Variants in CSMD1 observed in about 807,000 individuals in gnomAD.
The protein encoded by CSMD1 is CUB and Sushi multiple domains 1.
Under a neutral mutation model 417.5 loss-of-function variants are expected in CSMD1, and 213 were observed. The ratio of observed to expected loss-of-function variants is 0.51; its 90% CI spans 0.46 to 0.57. The LOEUF is 0.57. Among genes scored for constraint, CSMD1 ranks in the 20% least tolerant of loss-of-function variants. CSMD1 has a pLI of 0.00. For synonymous variants in CSMD1, 2,862 were observed against 1,736.8 expected (o/e 1.65, Z -16.11); for missense variants, 6,923 against 4,529.7 (o/e 1.53, Z -15.17).
chr8:4,353,389 G>A (rs967583893), intron 3 of CSMD1, among the ~76,000 whole-genome samples: 12 of 152,014 alleles, frequency 7.9e-5, no homozygotes, highest in African/African-American at 2.9e-4. Context: ...CAGCCGTGTG[G>A]AACTGTGAGT....
At chr8:4,379,658 T>C (rs1175754832) in intron 3 of CSMD1, among the ~76,000 whole-genome samples, 1 of 151,346 alleles carries the variant, frequency 6.6e-6, no homozygotes, top group Non-Finnish European at 1.5e-5. Flanking sequence ...TGGACTTTTT[T>C]TGAAATTAGT....
chr8:4,816,405 T>A, intron 1 of CSMD1, among the ~76,000 whole-genome samples: 1 of 151,586 alleles, frequency 6.6e-6, no homozygotes, highest in African/African-American at 2.4e-5. Flanking sequence ...CACTGTGGGG[T>A]GGTGGAGTGA....
chr8:3,931,477 G>A (rs574328427), intron 5 of CSMD1, among the ~76,000 whole-genome samples: 2 of 150,050 alleles, frequency 1.3e-5, no homozygotes, highest in Non-Finnish European at 3.0e-5. Context: ...TCAGATTGGA[G>A]CATTTTTAAA....
chr8:4,068,025 G>T (rs1046534049), intron 3 of CSMD1, among the ~76,000 whole-genome samples: 1 of 152,040 alleles, frequency 6.6e-6, no homozygotes, highest in Non-Finnish European at 1.5e-5. Context: ...AGGTTGCAGT[G>T]AGCCGAGATC....
chr8:3,385,624 G>A (rs1461811358), intron 18 of CSMD1, among the ~76,000 whole-genome samples: 1 of 151,918 alleles, frequency 6.6e-6, no homozygotes, highest in Non-Finnish European at 1.5e-5. Context: ...TATTAATTAT[G>A]GTGTTTTCTG....
intron 5 of CSMD1, among the ~76,000 whole-genome samples, chr8:3,957,706 GGAA>G (rs1398676214): frequency 2.9e-4 from 33 of 114,234 alleles, no homozygotes; most frequent in African/African-American, 7.5e-4. Flanking sequence ...GAAGAGAAGA[GGAA>G]AAGAGAAAAG....
At chr8:3,412,215 ACT>A (rs752772879) in intron 12 of CSMD1, among the ~76,000 whole-genome samples, 4 of 148,550 alleles carry the variant, frequency 2.7e-5, no homozygotes, top group Non-Finnish European at 4.4e-5. Flanking sequence ...CACACACACC[ACT>A]GTTTCTTTAT....
chr8:3,734,425 ACT>A (rs1474138977), intron 6 of CSMD1, among the ~76,000 whole-genome samples: 1 of 152,002 alleles, frequency 6.6e-6, no homozygotes, highest in East Asian at 1.9e-4. Flanking sequence ...AAATACAGAA[ACT>A]CTGCCAGGTG....
At chr8:3,909,664 C>A (rs1012724156) in intron 5 of CSMD1, among the ~76,000 whole-genome samples, 7 of 152,122 alleles carry the variant, frequency 4.6e-5, no homozygotes, top group Admixed American at 4.6e-4. Flanking sequence ...CACCTGGGAA[C>A]CCTCCTTTTC....
chr8:4,584,666 G>C (rs773767564), intron 2 of CSMD1, among the ~76,000 whole-genome samples: 1 of 152,068 alleles, frequency 6.6e-6, no homozygotes, highest in Non-Finnish European at 1.5e-5. Context: ...GCCATGACCG[G>C]AACTCTCAAA....
intron 1 of CSMD1, among the ~76,000 whole-genome samples, chr8:4,985,380 T>TAA (rs974427362): frequency 2.0e-5 from 3 of 151,552 alleles, no homozygotes; most frequent in African/African-American, 7.3e-5. Flanking sequence ...AAGTTTTTTT[T>TAA]AAAAAAAAAT....
chr8:3,517,937 A>G (rs1056911112), intron 10 of CSMD1, among the ~76,000 whole-genome samples: 2 of 152,206 alleles, frequency 1.3e-5, no homozygotes, highest in African/African-American at 2.4e-5. Flanking sequence ...TAATAGCTTC[A>G]ACAAGTCAAA....
At chr8:3,971,084 T>A (rs1246636440) in intron 5 of CSMD1, among the ~76,000 whole-genome samples, 1 of 152,190 alleles carries the variant, frequency 6.6e-6, no homozygotes, top group East Asian at 1.9e-4. Context: ...GGGGAGCCGA[T>A]GTCTGATGAC....
chr8:3,472,859 C>G (rs745892191), intron 11 of CSMD1, among the ~76,000 whole-genome samples: 1 of 151,996 alleles, frequency 6.6e-6, no homozygotes, highest in Non-Finnish European at 1.5e-5. Flanking sequence ...TTCATGTCAC[C>G]AGTCATCGGC....
At chr8:3,795,162 ATACC>A (rs1697479939) in intron 5 of CSMD1, among the ~76,000 whole-genome samples, 2 of 75,284 alleles carry the variant, frequency 2.7e-5, no homozygotes, top group Non-Finnish European at 5.4e-5. Flanking sequence ...ACAGCTATAG[ATACC>A]TATCATGTAC....
chr8:4,844,006 G>A (rs527558285), intron 1 of CSMD1, among the ~76,000 whole-genome samples: 13 of 152,272 alleles, frequency 8.5e-5, no homozygotes, highest in African/African-American at 3.1e-4. Context: ...TGAGACATTT[G>A]AGAAGGATGC....
intron 40 of CSMD1, among the ~76,000 whole-genome samples, chr8:3,146,527 T>A (rs1024661444): frequency 6.6e-6 from 1 of 152,166 alleles, no homozygotes; most frequent in Non-Finnish European, 1.5e-5. Context: ...CATTTGAGTA[T>A]CTTGTGCAAT....
At chr8:3,465,086 G>A (rs1212323915) in intron 12 of CSMD1, among the ~76,000 whole-genome samples, 3 of 152,106 alleles carry the variant, frequency 2.0e-5, no homozygotes, top group Non-Finnish European at 4.4e-5. Context: ...CATGCCAACT[G>A]AAGTCTAGCA....
chr8:4,362,333 T>G (rs1408918959), intron 3 of CSMD1, among the ~76,000 whole-genome samples: 1 of 152,130 alleles, frequency 6.6e-6, no homozygotes, highest in African/African-American at 2.4e-5. Flanking sequence ...AACTGAACCT[T>G]GAGACCCCAA....
Sources: gnomAD v4.1 joint callset for allele counts (sites outside exome capture counted in the v4.1 genomes callset) on GRCh38, gnomAD v4.1.1 for gene constraint, MANE v1.5 for transcripts, NCBI Gene and HGNC (gene_info 2026-07-23, HGNC 2026-07-21) for gene names.